Variants in PHGDH observed in about 807,000 individuals in gnomAD.
PHGDH encodes phosphoglycerate dehydrogenase.
In PHGDH, 50 loss-of-function variants were observed where a neutral mutation model predicts 52.6. The observed-to-expected ratio is 0.95, with a 90% CI of 0.76 to 1.20. PHGDH has a LOEUF of 1.20. Ranked by LOEUF, PHGDH falls within the 50% of genes most tolerant of loss-of-function variation. PHGDH has a pLI of 0.00. For synonymous variants in PHGDH, 271 were observed against 280.5 expected, an observed-to-expected ratio of 0.97 and a Z score of 0.34; for missense variants, 630 against 684.6, an observed-to-expected ratio of 0.92 and a Z score of 0.89.
intron 1 of PHGDH, chr1:119,714,489 G>A (rs762050714): frequency 6.6e-6 from 1 of 152,238 alleles, no homozygotes; most frequent in Non-Finnish European, 1.5e-5. Context: ...TAGTAAGGTT[G>A]TAAGTATTGT....
intron 5 of PHGDH, 135 bp downstream of exon 5, chr1:119,727,237 G>A (rs1227128105): frequency 7.1e-6 from 5 of 705,180 alleles, no homozygotes; most frequent in African/African-American, 7.0e-5. Context: ...CTAAATAAGT[G>A]TTAAAGTCAA....
intron 1 of PHGDH, among the ~76,000 whole-genome samples, chr1:119,716,274 G>A (rs890446459): frequency 2.6e-5 from 4 of 152,110 alleles, no homozygotes; most frequent in Admixed American, 6.5e-5. Context: ...AGTCTGACTG[G>A]GGACTCTTAG....
chr1:119,717,156 CG>C (rs1650968411), intron 1 of PHGDH, among the ~76,000 whole-genome samples: 1 of 130,612 alleles, frequency 7.7e-6, no homozygotes, highest in South Asian at 2.6e-4. Context: ...CGCTTGAACC[CG>C]GGAGGCGGAG....
At chr1:119,724,875 G>A (rs1474460782) in intron 3 of PHGDH, 1 of 456,632 alleles carries the variant, frequency 2.2e-6, no homozygotes, top group Non-Finnish European at 4.4e-6. Context: ...ACTCATCAAA[G>A]GTGCATCAAA....
intron 8 of PHGDH, among the ~76,000 whole-genome samples, chr1:119,737,737 AC>A (rs901980443): frequency 6.6e-6 from 1 of 151,722 alleles, no homozygotes; most frequent in African/African-American, 2.4e-5. Context: ...GTGCTGGCTG[AC>A]CCCCTTGCTT....
intron 9 of PHGDH, among the ~76,000 whole-genome samples, chr1:119,741,105 G>A (rs1652186112): frequency 6.6e-6 from 1 of 152,232 alleles, no homozygotes; most frequent in Non-Finnish European, 1.5e-5. Flanking sequence ...CTGCTGAGTG[G>A]GCTGTGGCCA....
intron 3 of PHGDH, 28 bp downstream of exon 3, chr1:119,723,469 A>G: frequency 3.2e-6 from 5 of 1,548,228 alleles, no homozygotes; most frequent in South Asian, 1.1e-5. Context: ...CAGCAAAGCT[A>G]GTCTCTCCGA....
At chr1:119,721,650 G>A (rs1302064939) in intron 2 of PHGDH, 2 of 282,468 alleles carry the variant, frequency 7.1e-6, no homozygotes, top group Non-Finnish European at 1.4e-5. Context: ...TTCAGGAATC[G>A]GAAGGTCAGT....
chr1:119,735,561 A>G lies in PHGDH; in HGVS notation c.792+118A>G, dbSNP rs910723981. On this transcript the variant is annotated intron_variant, in intron 7 of 11. Coordinates refer to ENST00000641023, the MANE Select transcript of PHGDH (RefSeq NM_006623.4). The stretch of plus-strand genomic sequence containing the variant: ...CTCTAGCTTATTGTCTCTTTCATCC[A>G]TGGTAAAAGGAGAAAACTGTGTTGC... 6 of 1,095,288 alleles carry G rather than the reference A, an allele frequency of 5.5e-6. No homozygotes were observed. In the African/African-American group the frequency reaches 6.2e-5, roughly 11 times the overall value. The allele number at this position is 1,095,288 out of a possible 1,614,324, so 67.8% of individuals were successfully genotyped here. A position where few individuals can be genotyped will look rare whatever the true frequency, so the allele number is the denominator to read the frequency against.
intron 1 of PHGDH, chr1:119,720,152 T>C (rs142515741): frequency 6.6e-6 from 1 of 152,222 alleles, no homozygotes; most frequent in Non-Finnish European, 1.5e-5. Flanking sequence ...ATTCTTATTC[T>C]GGAAAGAACC....
chr1:119,726,755 G>C, intron 3 of PHGDH, 96 bp from the exon 4 acceptor site: 2 of 961,514 alleles, frequency 2.1e-6, no homozygotes, highest in Non-Finnish European at 3.4e-6. Flanking sequence ...GGAAGTGGCT[G>C]TCATGGGCAG....
chr1:119,720,202 C>A (rs1651087052), intron 1 of PHGDH: 1 of 152,138 alleles, frequency 6.6e-6, no homozygotes, highest in Admixed American at 6.5e-5. Context: ...GGAAGATTGT[C>A]TTGGGGATCT....
In PHGDH at chr1:119,727,071, T is replaced by G; in HGVS notation, c.479T>G (p.Val160Gly). ...ILGLGRIGRE[V>G]ATRMQSFGMK... The stretch of plus-strand genomic sequence containing the variant: ...GGCCTGGGCAGGATTGGGAGAGAGG[T>G]AGCTACCCGGATGCAGTCCTTTGGG... Residue 160 changes from valine (V) to glycine (G), a missense_variant, in exon 5 of 12, where the codon GTA (valine) becomes GGA (glycine). Val to Gly is a moderately radical substitution (Grantham distance 109, BLOSUM62 -3). Coordinates refer to ENST00000641023, the MANE Select transcript of PHGDH (RefSeq NM_006623.4). 3 of 1,610,292 alleles carry G rather than the reference T, an allele frequency of 1.9e-6. No individual in the cohort carries two copies. The highest frequency in any genetic ancestry group is 2.5e-6 in the Non-Finnish European group (3 of 1,176,532).
Position 119,721,280 on chromosome 1 carries a change from G to A in PHGDH, c.249G>A (p.Val83=). The A allele has an allele frequency of 1.2e-6, 2 of 1,614,138 alleles. No individual in the cohort carries two copies. The highest frequency in any genetic ancestry group is 1.3e-5 in the African/African-American group (1 of 75,028). Residue 83 remains valine, a synonymous_variant, in exon 2 of 12, where the codon GTG becomes GTA. Transcript: ENST00000641023. ...GGGCTGGCACAGGTGTGGACAATGT[G>A]GATCTGGAGGCCGCAACAAGGAAGG... ...VGRAGTGVDN[V]DLEAATRKGI... is the part of the protein sequence containing the mutation.
Position 119,744,096 on chromosome 1 carries a change from G to C in PHGDH, c.*56G>C. On this transcript the variant is annotated 3_prime_UTR_variant, in exon 12 of 12. Transcript: ENST00000641023. ...GCTTTTCTGAAGAAACCCACCCACT[G>C]TGATCAATAGGGAGAGAAAATCCAC... 1 of 1,511,596 alleles carries C rather than the reference G, an allele frequency of 6.6e-7. No individual in the cohort carries two copies. The highest frequency in any genetic ancestry group is 9.2e-7 in the Non-Finnish European group (1 of 1,086,838). 93.6% of individuals were successfully genotyped at this position (1,511,596 alleles called of 1,614,324 possible). A position where few individuals can be genotyped will look rare whatever the true frequency, so the allele number is the denominator to read the frequency against.
intron 5 of PHGDH, among the ~76,000 whole-genome samples, chr1:119,731,297 A>T (rs1651679638): frequency 1.3e-5 from 2 of 152,214 alleles, no homozygotes; most frequent in South Asian, 4.1e-4. Context: ...TGTGTCTGCG[A>T]GAGACTTTTT....
chr1:119,712,255 C>G, intron 1 of PHGDH, 95 bp downstream of exon 1: 11 of 1,123,786 alleles, frequency 9.8e-6, no homozygotes, highest in Non-Finnish European at 1.5e-5. Context: ...CGCATGCACC[C>G]CGTATCAATT....
intron 5 of PHGDH, chr1:119,727,497 C>T (rs1570999586): frequency 3.4e-6 from 1 of 294,102 alleles, no homozygotes; most frequent in Non-Finnish European, 6.6e-6. Flanking sequence ...GACAGTACAC[C>T]TCGGGAGAGA....
chr1:119,720,803 G>A (rs1651113317), intron 1 of PHGDH: 3 of 357,928 alleles, frequency 8.4e-6, no homozygotes, highest in Non-Finnish European at 1.1e-5. Flanking sequence ...AGAGGAACAG[G>A]AGATGGCCCC....
Sources: allele counts gnomAD v4.1 joint callset (sites outside exome capture counted in the v4.1 genomes callset), GRCh38; gene constraint gnomAD v4.1.1; transcripts MANE v1.5; gene names NCBI Gene and HGNC (gene_info 2026-07-23, HGNC 2026-07-21).